RAP2A: variants seen among roughly 807,000 people sequenced by gnomAD.
RAP2A encodes RAP2A, member of RAS oncogene family.
A neutral mutation model predicts 15.1 loss-of-function variants in RAP2A; 5 were observed. The ratio of observed to expected loss-of-function variants is 0.33; its 90% CI spans 0.17 to 0.70. The LOEUF (loss-of-function observed/expected upper bound fraction) is 0.70, where lower values mean the gene tolerates loss of function less well. Among genes scored for constraint, RAP2A ranks in the 30% least tolerant of loss-of-function variants. RAP2A has a pLI of 0.68. For missense variants in RAP2A, 111 were observed against 240.3 expected (o/e 0.46, Z 3.56); for synonymous variants, 110 against 99.7 (o/e 1.10, Z -0.62).
chr13:97,455,645 T>C (rs1298662867), intron 1 of RAP2A, among the ~76,000 whole-genome samples: 1 of 151,544 alleles, frequency 6.6e-6, no homozygotes, highest in East Asian at 1.9e-4. Flanking sequence ...TATACACCAC[T>C]CAGTGGCTAG....
chr13:97,437,431 G>C (rs1363075538), intron 1 of RAP2A: 3 of 152,172 alleles, frequency 2.0e-5, no homozygotes, highest in Admixed American at 2.0e-4. Flanking sequence ...GTGAAATAGA[G>C]ATTAGCATGC....
At chr13:97,458,961 C>T (rs1258705883) in intron 1 of RAP2A, among the ~76,000 whole-genome samples, 1 of 152,036 alleles carries the variant, frequency 6.6e-6, no homozygotes, top group African/African-American at 2.4e-5. Context: ...TTTATTTATA[C>T]ATTTATAATC....
In RAP2A at chr13:97,455,423, A is replaced by G. The variant is rs1047875395; in HGVS notation, c.315-8782A>G. 2.0e-5 allele frequency among the ~76,000 whole-genome samples: 3 copies of G among 151,362 alleles called. 1 individual carries two copies. Among genetic ancestry groups the G allele is most frequent in the African/African-American group, 7.3e-5 (3 of 41,046 alleles). ...AGAATTAGTTTTTCTGGTTCTTTGCATGTTTGGTTATTTTAGATTGTGTTG... is the reference window on the plus strand; with the variant it reads ...AGAATTAGTTTTTCTGGTTCTTTGCGTGTTTGGTTATTTTAGATTGTGTTG... On this transcript the variant is annotated intron_variant, in intron 1 of 1. Transcript: ENST00000245304.
At chr13:97,461,823 CGTG>C (rs1032557579) in intron 1 of RAP2A, among the ~76,000 whole-genome samples, 12 of 151,090 alleles carry the variant, frequency 7.9e-5, no homozygotes, top group African/African-American at 2.9e-4. Flanking sequence ...ATTAGTCGGG[CGTG>C]GTGGTGGGCG....
At position 97,434,503 on chromosome 13, in the gene RAP2A, G is replaced by T. The variant is rs1488848985; in HGVS notation, c.33G>T (p.Ser11=). 6.2e-7 allele frequency: 1 copy of T among 1,612,384 alleles called. No homozygotes were observed. The highest frequency in any genetic ancestry group is 1.7e-5 in the Admixed American group (1 of 59,950). ...AGTACAAAGTGGTGGTGCTGGGCTC[G>T]GGCGGGGTAGGCAAATCCGCCCTGA... MREYKVVVLG[S]GGVGKSALTV... Residue 11 remains serine, a synonymous_variant, in exon 1 of 2, where the codon TCG becomes TCT. Coordinates refer to ENST00000245304, the MANE Select transcript of RAP2A (RefSeq NM_021033.7).
intron 1 of RAP2A, among the ~76,000 whole-genome samples, chr13:97,439,331 T>C (rs775474671): frequency 2.0e-5 from 3 of 152,306 alleles, no homozygotes; most frequent in Middle Eastern, 3.4e-3. Flanking sequence ...ACAGGAAGAA[T>C]AGTCATAAAT....
chr13:97,434,462 G>A lies in RAP2A; in HGVS notation c.-9G>A. The A allele has an allele frequency of 6.3e-7, 1 of 1,584,186 alleles. No homozygotes were observed. Among genetic ancestry groups the A allele is most frequent in the Non-Finnish European group, 8.6e-7 (1 of 1,163,360 alleles). On this transcript the variant is annotated 5_prime_UTR_variant, in exon 1 of 2. Transcript: ENST00000245304. ...GGGCGGCGGCGGCGGCGGCGGCCGC[G>A]GAGGGACGATGCGCGAGTACAAAGT... is the stretch of plus-strand genomic sequence containing the variant.
chr13:97,457,170 T>A (rs574465731), intron 1 of RAP2A, among the ~76,000 whole-genome samples: 2 of 152,214 alleles, frequency 1.3e-5, no homozygotes, highest in African/African-American at 4.8e-5. Context: ...TACATGGCAA[T>A]TTGATGAACT....
intron 1 of RAP2A, among the ~76,000 whole-genome samples, chr13:97,462,683 G>C (rs942222206): frequency 5.3e-5 from 8 of 152,106 alleles, no homozygotes; most frequent in Non-Finnish European, 7.4e-5. Flanking sequence ...CAAATTCTAG[G>C]TTTGCCTTTG....
At chr13:97,441,062 T>A (rs980383639) in intron 1 of RAP2A, among the ~76,000 whole-genome samples, 7 of 152,168 alleles carry the variant, frequency 4.6e-5, no homozygotes, top group African/African-American at 1.7e-4. Flanking sequence ...TAGTTTTCTT[T>A]TTGCCACTCC....
chr13:97,436,095 T>C (rs561728170), intron 1 of RAP2A: 1 of 152,234 alleles, frequency 6.6e-6, no homozygotes, highest in Non-Finnish European at 1.5e-5. Context: ...CTTTAATCGC[T>C]GAACTAAAAT....
intron 1 of RAP2A, among the ~76,000 whole-genome samples, chr13:97,453,603 G>A (rs2066711316): frequency 6.6e-6 from 1 of 151,124 alleles, no homozygotes; most frequent in Non-Finnish European, 1.5e-5. Context: ...TAGATTTACT[G>A]CCGTTTGTTT....
Position 97,438,846 on chromosome 13 carries a change from A to G in RAP2A, c.314+4062A>G, listed in dbSNP as rs574123441. On this transcript the variant is annotated intron_variant, in intron 1 of 1. Transcript: ENST00000245304. ...CCTACTAGCACATAGGAAACAAGAA[A>G]AAATGTTGAAAAAATGAATGTTCAG... 4.1e-3 allele frequency among the ~76,000 whole-genome samples: 629 copies of G among 152,314 alleles called. 1 individual carries two copies. The highest frequency in any genetic ancestry group is 7.0e-3 in the Non-Finnish European group (477 of 68,022).
At chr13:97,448,972 C>G (rs2066690881) in intron 1 of RAP2A, among the ~76,000 whole-genome samples, 1 of 152,104 alleles carries the variant, frequency 6.6e-6, no homozygotes, top group Admixed American at 6.5e-5. Flanking sequence ...ATCATGCCAG[C>G]ACATAGGTCG....
At chr13:97,447,228 A>G (rs1031240906) in intron 1 of RAP2A, among the ~76,000 whole-genome samples, 13 of 152,332 alleles carry the variant, frequency 8.5e-5, no homozygotes, top group African/African-American at 2.2e-4. Context: ...TGAAGATCAC[A>G]TTTAATCGTA....
intron 1 of RAP2A, among the ~76,000 whole-genome samples, chr13:97,443,077 A>C (rs1301094492): frequency 6.6e-6 from 1 of 152,166 alleles, no homozygotes; most frequent in Non-Finnish European, 1.5e-5. Flanking sequence ...TGAGTGCGGG[A>C]TTATCTATTT....
At chr13:97,450,824 G>T (rs1385189233) in intron 1 of RAP2A, among the ~76,000 whole-genome samples, 2 of 152,130 alleles carry the variant, frequency 1.3e-5, no homozygotes, top group East Asian at 3.8e-4. Context: ...CAGATTAAAT[G>T]TAGTTTTATT....
Position 97,468,950 on chromosome 13 carries a change from C to T in RAP2A, c.*4508C>T, listed in dbSNP as rs2066783958. The stretch of plus-strand genomic sequence containing the variant: ...CAACTGACCTCTAGGATCTATGAAG[C>T]AGAGAATATTACCACAAACTTCTGA... On this transcript the variant is annotated 3_prime_UTR_variant, in exon 2 of 2. Coordinates refer to ENST00000245304, the MANE Select transcript of RAP2A (RefSeq NM_021033.7). 6.6e-6 allele frequency: 1 copy of T among 152,144 alleles called. No individual in the cohort carries two copies. Among genetic ancestry groups the T allele is most frequent in the African/African-American group, 2.4e-5 (1 of 41,428 alleles). 9.4% of individuals were successfully genotyped at this position (152,144 alleles called of 1,614,324 possible).
Position 97,465,495 on chromosome 13 carries a change from C to T in RAP2A, c.*1053C>T, listed in dbSNP as rs1425879261. ...TTTCAAAATCAAGTATTTGCTGTAG[C>T]AGAGCTTTATTGCAGGCATTTTAAA... On this transcript the variant is annotated 3_prime_UTR_variant, in exon 2 of 2. Coordinates refer to ENST00000245304, the MANE Select transcript of RAP2A (RefSeq NM_021033.7). 1 of 152,594 alleles carries T rather than the reference C, an allele frequency of 6.6e-6. No homozygotes were observed. The highest frequency in any genetic ancestry group is 2.4e-5 in the African/African-American group (1 of 41,438). The allele number at this position is 152,594 out of a possible 1,614,324, so 9.5% of individuals were successfully genotyped here. A position where few individuals can be genotyped will look rare whatever the true frequency, so the allele number is the denominator to read the frequency against.
Sources: allele counts gnomAD v4.1 joint callset (sites outside exome capture counted in the v4.1 genomes callset), GRCh38; gene constraint gnomAD v4.1.1; transcripts MANE v1.5; gene names NCBI Gene and HGNC (gene_info 2026-07-23, HGNC 2026-07-21).